ZFAT: variants seen among roughly 807,000 people sequenced by gnomAD.
The protein encoded by ZFAT is zinc finger protein ZFAT.
In ZFAT, 64 loss-of-function variants were observed where a neutral mutation model predicts 117.7. The observed-to-expected ratio is 0.54, with a 90% CI of 0.44 to 0.67. The LOEUF is 0.67. Ranked by LOEUF, ZFAT falls within the 30% of genes least tolerant of loss-of-function variation. The pLI is 0.00. For missense variants in ZFAT, 1,433 were observed against 1,584.5 expected (o/e 0.90, Z 1.62); for synonymous variants, 679 against 615.0 (o/e 1.10, Z -1.54).
In ZFAT at chr8:134,526,689, T is replaced by A. The variant is rs531507885; in HGVS notation, c.3116-5688A>T. 1.4e-4 allele frequency among the ~76,000 whole-genome samples: 21 copies of A among 152,292 alleles called. No individual in the cohort carries two copies. In the East Asian group the frequency reaches 3.9e-3, roughly 28 times the overall value. The stretch of plus-strand genomic sequence containing the variant: ...GAAAATTCAATTTCATTTTCAATAA[T>A]ATAACTCCCAGAATGGCATACAACA... On this transcript the variant is annotated intron_variant, in intron 12 of 15. Coordinates refer to ENST00000377838, the MANE Select transcript of ZFAT (RefSeq NM_020863.4).
At chr8:134,620,752 A>G (rs897878892) in intron 3 of ZFAT, among the ~76,000 whole-genome samples, 17 of 152,154 alleles carry the variant, frequency 1.1e-4, no homozygotes, top group African/African-American at 3.9e-4. Context: ...ATTTACTAAC[A>G]CTTGTTTCAG....
chr8:134,759,549 A>G, the ZFAT span, among the ~76,000 whole-genome samples: 31 of 152,296 alleles, frequency 2.0e-4, no homozygotes, highest in Non-Finnish European at 3.8e-4. Context: ...TGGTATTGAA[A>G]GAGAGTTGTG....
intron 10 of ZFAT, among the ~76,000 whole-genome samples, chr8:134,578,594 G>C (rs1017882768): frequency 3.3e-5 from 5 of 152,068 alleles, no homozygotes; most frequent in Non-Finnish European, 7.4e-5. Flanking sequence ...GCACGACCTG[G>C]CCTTTGTTTC....
intron 1 of ZFAT, 35 bp downstream of exon 1, chr8:134,712,810 C>A (rs768082191): frequency 2.9e-6 from 3 of 1,024,424 alleles, no homozygotes; most frequent in Admixed American, 2.6e-5. Context: ...GCCCCACCCC[C>A]ACCCCGTCTC....
intron 8 of ZFAT, among the ~76,000 whole-genome samples, chr8:134,589,171 C>T (rs1370029324): frequency 6.6e-6 from 1 of 152,226 alleles, no homozygotes. Context: ...TAATGTCTTA[C>T]ATCTGTTCAT....
At chr8:134,740,597 C>T in the ZFAT span, among the ~76,000 whole-genome samples, 1 of 152,114 alleles carries the variant, frequency 6.6e-6, no homozygotes, top group Admixed American at 6.5e-5. Context: ...ATAAGTGGTG[C>T]TTTGTCCCAA....
chr8:134,564,309 C>A (rs983637050), intron 11 of ZFAT, among the ~76,000 whole-genome samples: 1 of 152,154 alleles, frequency 6.6e-6, no homozygotes, highest in African/African-American at 2.4e-5. Flanking sequence ...AACTCCATAC[C>A]CTGACCACCT....
At chr8:134,719,460 G>A in the ZFAT span, among the ~76,000 whole-genome samples, 3 of 152,168 alleles carry the variant, frequency 2.0e-5, no homozygotes, top group Non-Finnish European at 4.4e-5. Flanking sequence ...CAGCAGCAGC[G>A]AGGGTGAGAG....
chr8:134,601,362 G>T, intron 6 of ZFAT, 115 bp downstream of exon 6: 1 of 1,433,208 alleles, frequency 7.0e-7, no homozygotes, highest in Non-Finnish European at 9.3e-7. Flanking sequence ...AATGGAGGAG[G>T]ATGGCTCACT....
At chr8:134,808,758 T>C in the ZFAT span, among the ~76,000 whole-genome samples, 1 of 152,206 alleles carries the variant, frequency 6.6e-6, no homozygotes, top group Non-Finnish European at 1.5e-5. Flanking sequence ...ATTTTTACAG[T>C]GATAACTGAG....
chr8:134,687,467 C>G (rs955089574), intron 1 of ZFAT, among the ~76,000 whole-genome samples: 1 of 152,172 alleles, frequency 6.6e-6, no homozygotes, highest in Non-Finnish European at 1.5e-5. Context: ...AAAATGAGAG[C>G]CCCTGGGCAA....
At chr8:134,660,750 T>C (rs547818067) in intron 1 of ZFAT, among the ~76,000 whole-genome samples, 1 of 152,334 alleles carries the variant, frequency 6.6e-6, no homozygotes, top group African/African-American at 2.4e-5. Flanking sequence ...CACAGGGCTA[T>C]TACAATGGGT....
chr8:134,727,324 G>A, the ZFAT span, among the ~76,000 whole-genome samples: 4 of 152,048 alleles, frequency 2.6e-5, no homozygotes, highest in Non-Finnish European at 5.9e-5. Context: ...TGGAGGAAGT[G>A]GCTGGTGCAA....
At chr8:134,601,374 A>G in intron 6 of ZFAT, 103 bp downstream of exon 6, 1 of 1,477,224 alleles carries the variant, frequency 6.8e-7, no homozygotes, top group Non-Finnish European at 9.0e-7. Flanking sequence ...TGGCTCACTT[A>G]GAAGGTATTC....
At chr8:134,496,585 T>C (rs1465047639) in intron 15 of ZFAT, among the ~76,000 whole-genome samples, 2 of 152,198 alleles carry the variant, frequency 1.3e-5, no homozygotes, top group African/African-American at 4.8e-5. Context: ...ACATCTGATC[T>C]GGAATTCACG....
At chr8:134,797,569 T>C in the ZFAT span, 1 of 152,252 alleles carries the variant, frequency 6.6e-6, no homozygotes, top group South Asian at 2.1e-4. Flanking sequence ...GTCACAACTT[T>C]GAAACCAGTT....
At chr8:134,552,562 A>G (rs938492665) in intron 11 of ZFAT, among the ~76,000 whole-genome samples, 1 of 152,228 alleles carries the variant, frequency 6.6e-6, no homozygotes, top group Non-Finnish European at 1.5e-5. Context: ...GCATTTAGAG[A>G]TACATCAAAC....
In ZFAT at chr8:134,601,763, G is replaced by T; in HGVS notation, c.1956C>A (p.Ser652Arg). 1.9e-6 allele frequency: 3 copies of T among 1,613,834 alleles called. No individual in the cohort carries two copies. Among genetic ancestry groups the T allele is most frequent in the South Asian group, 2.2e-5 (2 of 90,984 alleles). Residue 652 changes from serine to arginine, a missense_variant, in exon 6 of 16, where the codon AGC becomes AGA. Transcript: ENST00000377838. ...CCATGTTCTGCCCTTCCCCTAGGGGGCTCTGGGCGCCATGGCTTTCCTGAT... is the reference window on the plus strand; with the variant it reads ...CCATGTTCTGCCCTTCCCCTAGGGGTCTCTGGGCGCCATGGCTTTCCTGAT... ...GSDQESHGAQ[S>R]PLGEGQNMAV...
chr8:134,557,058 T>C (rs1406839035), intron 11 of ZFAT, among the ~76,000 whole-genome samples: 2 of 152,170 alleles, frequency 1.3e-5, no homozygotes, highest in Admixed American at 1.3e-4. Context: ...CATGAACATG[T>C]GTGACAACAA....
Sources: gnomAD v4.1 joint callset for allele counts (sites outside exome capture counted in the v4.1 genomes callset) on GRCh38, gnomAD v4.1.1 for gene constraint, MANE v1.5 for transcripts, NCBI Gene and HGNC (gene_info 2026-07-23, HGNC 2026-07-21) for gene names.